The following HIVEP2 variants were observed in gnomAD, a reference collection of about 807,000 sequenced individuals.
The protein encoded by HIVEP2 is HIVEP zinc finger 2.
HIVEP2 carries 14 observed loss-of-function variants against 180.7 expected under a neutral mutation model. That is an observed-to-expected ratio of 0.08 (90% CI 0.05 to 0.12). The LOEUF (loss-of-function observed/expected upper bound fraction) is 0.12. HIVEP2 is among the 10% of genes least tolerant of loss of function. The pLI is 1.00. For missense variants in HIVEP2, 2,579 were observed against 3,008.5 expected, an observed-to-expected ratio of 0.86 and a Z score of 3.34; for synonymous variants, 1,184 against 1,136.4, an observed-to-expected ratio of 1.04 and a Z score of -0.84.
chr6:142,863,060 G>A, intron 1 of HIVEP2, among the ~76,000 whole-genome samples: 1 of 136,460 alleles, frequency 7.3e-6, no homozygotes, highest in African/African-American at 2.7e-5. Flanking sequence ...TATATATTAT[G>A]TAATATATGT....
chr6:142,764,601 A>T (rs1011413489), intron 7 of HIVEP2, among the ~76,000 whole-genome samples, 198 bp downstream of exon 7: 2 of 152,200 alleles, frequency 1.3e-5, no homozygotes, highest in African/African-American at 4.8e-5. Context: ...ACTGCTCTTA[A>T]TTAAGTCATA....
intron 1 of HIVEP2, among the ~76,000 whole-genome samples, chr6:142,876,203 T>C (rs1776432306): frequency 6.6e-6 from 1 of 152,094 alleles, no homozygotes; most frequent in South Asian, 2.1e-4. Flanking sequence ...GTAAGATATA[T>C]GAGAGGTGAG....
At chr6:142,782,464 G>A (rs1775882711) in intron 3 of HIVEP2, among the ~76,000 whole-genome samples, 1 of 152,186 alleles carries the variant, frequency 6.6e-6, no homozygotes, top group Non-Finnish European at 1.5e-5. Flanking sequence ...GGCGTGATGA[G>A]TGCCAGAGTC....
At chr6:142,944,464 T>C (rs1778260838) in intron 1 of HIVEP2, among the ~76,000 whole-genome samples, 1 of 143,216 alleles carries the variant, frequency 7.0e-6, no homozygotes, top group Non-Finnish European at 1.5e-5. Flanking sequence ...CCCAGAGCAA[T>C]GTTTTCCTGT....
Position 142,773,111 on chromosome 6 carries a change from C to T in HIVEP2, c.1628G>A (p.Ser543Asn), listed in dbSNP as rs765850923. Residue 543 changes from serine (S) to asparagine (N), a missense_variant, in exon 5 of 10, where the codon AGC becomes AAC. Physicochemically the swap from Ser to Asn is conservative, Grantham distance 46. This residue lies in a region of HIVEP2 where 524 missense variants were observed against 563.6 expected (regional missense o/e 0.93). Transcript: ENST00000367603. Reference protein sequence around the residue: ...APVDSSPLIRSNSVPTSSATN... With the variant: ...APVDSSPLIRNNSVPTSSATN... ...TGCTGAAGAAGTTGGCACTGAGTTG[C>T]TTCTAATAAGGGGTGAAGAGTCTAC... The T allele has an allele frequency of 3.1e-6, 5 of 1,614,200 alleles. No homozygotes were observed. Among genetic ancestry groups the T allele is most frequent in the Non-Finnish European group, 3.4e-6 (4 of 1,180,026 alleles).
At chr6:142,781,381 G>A (rs1161644442) in intron 3 of HIVEP2, among the ~76,000 whole-genome samples, 3 of 152,096 alleles carry the variant, frequency 2.0e-5, no homozygotes, top group Admixed American at 2.0e-4. Flanking sequence ...ACAAAGGAGC[G>A]GAATTCCAAA....
chr6:142,772,419 A>C lies in HIVEP2; in HGVS notation c.2320T>G (p.Ser774Ala), dbSNP rs2114656292. The change falls in exon 5 of 10, where the codon TCA becomes GCA. Residue 774 changes from serine (S) to alanine (A), a missense_variant. Transcript: ENST00000367603. This position sits in a 1 kb window ranked among gnomAD's most constrained non-coding sequence, Gnocchi z 4.9. ...QLQPGSPSLV[S>A]EESPSAIDSD... ...TCAATGGCTGAAGGTGACTCCTCTG[A>C]CACAAGAGATGGACTTCCAGGCTGC... 1.2e-6 allele frequency: 2 copies of C among 1,614,198 alleles called. No individual in the cohort carries two copies. Among genetic ancestry groups the C allele is most frequent in the Middle Eastern group, 1.6e-4 (1 of 6,062 alleles).
chr6:142,899,991 T>C (rs1473258194), intron 1 of HIVEP2, among the ~76,000 whole-genome samples: 2 of 152,198 alleles, frequency 1.3e-5, no homozygotes, highest in Non-Finnish European at 2.9e-5. Context: ...GAGAAATCTA[T>C]TAAGGTCTAA....
chr6:142,911,906 T>G (rs1391417932), intron 1 of HIVEP2, among the ~76,000 whole-genome samples: 1 of 152,196 alleles, frequency 6.6e-6, no homozygotes, highest in African/African-American at 2.4e-5. Flanking sequence ...AATGAGTTAC[T>G]GTATTTTAGT....
intron 1 of HIVEP2, among the ~76,000 whole-genome samples, chr6:142,858,003 G>A (rs1229064410): frequency 6.6e-6 from 1 of 152,184 alleles, no homozygotes; most frequent in African/African-American, 2.4e-5. Context: ...CCCCGGCAGG[G>A]ATGCTGCAGC....
chr6:142,753,460 T>C lies in HIVEP2; in HGVS notation c.6988A>G (p.Thr2330Ala), dbSNP rs1174261773. ...ATCCGGAGAGAGGCAATGGCTTTTGTACAAGTCTGTATATTTTCCTCCTGT... is the reference window on the plus strand; with the variant it reads ...ATCCGGAGAGAGGCAATGGCTTTTGCACAAGTCTGTATATTTTCCTCCTGT... ...REQEENIQTC[T>A]KAIASLRIAT... The change falls in exon 10 of 10, where the codon ACA (threonine) becomes GCA (alanine). Residue 2330 changes from threonine (T) to alanine (A), a missense_variant. This residue lies in a region of HIVEP2 where 660 missense variants were observed against 731.7 expected (regional missense o/e 0.90). Coordinates refer to ENST00000367603, the MANE Select transcript of HIVEP2 (RefSeq NM_006734.4). 1.2e-6 allele frequency: 2 copies of C among 1,614,014 alleles called. No homozygotes were observed. Among genetic ancestry groups the C allele is most frequent in the South Asian group, 2.2e-5 (2 of 91,084 alleles).
At chr6:142,858,823 A>G (rs1775895412) in intron 1 of HIVEP2, among the ~76,000 whole-genome samples, 1 of 151,658 alleles carries the variant, frequency 6.6e-6, no homozygotes, top group Non-Finnish European at 1.5e-5. Flanking sequence ...CAAACTCCTG[A>G]CCTCCAGTGA....
Position 142,770,190 on chromosome 6 carries a change from A to G in HIVEP2, c.4549T>C (p.Ser1517Pro). Reference protein sequence around the residue: ...GLQSGSSSFSSLSPSSSQDYP... With the variant: ...GLQSGSSSFSPLSPSSSQDYP... ...TCTTGAGATGAGGAGGGCGACAGCGAGGAGAAGGAAGATGACCCTGACTGC... is the reference window on the plus strand; with the variant it reads ...TCTTGAGATGAGGAGGGCGACAGCGGGGAGAAGGAAGATGACCCTGACTGC... Residue 1517 changes from serine (S) to proline (P), a missense_variant, in exon 5 of 10, where the codon TCG (serine) becomes CCG (proline). Transcript: ENST00000367603. This position sits in a 1 kb window ranked among gnomAD's most constrained non-coding sequence, Gnocchi z 4.7. The G allele has an allele frequency of 6.2e-7, 1 of 1,614,188 alleles. No individual in the cohort carries two copies. Among genetic ancestry groups the G allele is most frequent in the South Asian group, 1.1e-5 (1 of 91,060 alleles).
chr6:142,849,681 A>G (rs1453899267), intron 1 of HIVEP2, among the ~76,000 whole-genome samples: 30 of 151,794 alleles, frequency 2.0e-4, no homozygotes, highest in Admixed American at 2.0e-3. Context: ...CACCTGGCTA[A>G]TGTTTTTTGT....
intron 2 of HIVEP2, among the ~76,000 whole-genome samples, chr6:142,796,219 A>G (rs1256888577): frequency 1.3e-5 from 2 of 152,094 alleles, no homozygotes; most frequent in African/African-American, 2.4e-5. Flanking sequence ...CAGCATAGTA[A>G]ACAGTCAGAA....
At chr6:142,847,443 A>G (rs775078993) in intron 1 of HIVEP2, among the ~76,000 whole-genome samples, 1 of 152,176 alleles carries the variant, frequency 6.6e-6, no homozygotes, top group Non-Finnish European at 1.5e-5. Flanking sequence ...AAGACGAAAA[A>G]GAGTTTAAGA....
intron 1 of HIVEP2, among the ~76,000 whole-genome samples, chr6:142,899,175 G>C (rs770700936): frequency 5.9e-5 from 9 of 152,176 alleles, no homozygotes; most frequent in Non-Finnish European, 1.3e-4. Context: ...GCCATGTGAA[G>C]ATTTACTGCT....
intron 2 of HIVEP2, among the ~76,000 whole-genome samples, chr6:142,789,457 A>G (rs542122046): frequency 1.3e-5 from 2 of 152,372 alleles, no homozygotes; most frequent in South Asian, 2.1e-4. Context: ...GAGCAAATAT[A>G]TGACTACAAA....
chr6:142,869,966 A>G (rs553820913), intron 1 of HIVEP2, among the ~76,000 whole-genome samples: 14 of 152,162 alleles, frequency 9.2e-5, no homozygotes, highest in Non-Finnish European at 1.8e-4. Flanking sequence ...ACACTGATCC[A>G]AAGTGGCCCT....
Sources: allele counts gnomAD v4.1 joint callset (sites outside exome capture counted in the v4.1 genomes callset), GRCh38; gene constraint gnomAD v4.1.1; regional missense constraint gnomAD v4.1.1; non-coding constraint Gnocchi (gnomAD v3.1); transcripts MANE v1.5; gene names NCBI Gene and HGNC (gene_info 2026-07-23, HGNC 2026-07-21).